The following GALNT13 variants were observed in gnomAD, a reference collection of about 807,000 sequenced individuals.
GALNT13 encodes the protein polypeptide N-acetylgalactosaminyltransferase 13, also known as UDP-GalNAc:polypeptide N-acetylgalactosaminyltransferase 13.
Under a neutral mutation model 64.2 loss-of-function variants are expected in GALNT13, and 28 were observed. The ratio of observed to expected loss-of-function variants is 0.44; its 90% CI spans 0.32 to 0.60. The LOEUF (loss-of-function observed/expected upper bound fraction) is 0.60. Among genes scored for constraint, GALNT13 ranks in the 20% least tolerant of loss-of-function variants. The pLI is 0.05. For missense variants in GALNT13, 577 were observed against 669.8 expected (o/e 0.86, Z 1.53); for synonymous variants, 214 against 224.6 (o/e 0.95, Z 0.42).
chr2:154,012,002 G>A (rs1696671272), intron 3 of GALNT13, among the ~76,000 whole-genome samples: 1 of 152,096 alleles, frequency 6.6e-6, no homozygotes, highest in South Asian at 2.1e-4. Flanking sequence ...ATAGTTGGGT[G>A]TTTATTTTTT....
chr2:154,399,768 A>G (rs1291532589), intron 10 of GALNT13, among the ~76,000 whole-genome samples: 2 of 152,152 alleles, frequency 1.3e-5, no homozygotes, highest in East Asian at 1.9e-4. Flanking sequence ...TACAAAGTCA[A>G]ATAAGGAAAG....
At chr2:154,375,968 T>G (rs35728391) in intron 9 of GALNT13, among the ~76,000 whole-genome samples, 2,249 of 152,282 alleles carry the variant, frequency 0.015, 30 homozygotes, top group Non-Finnish European at 0.022. Context: ...ATACATTTTG[T>G]TGGAAGGACG....
chr2:153,606,722 G>A, the GALNT13 span, among the ~76,000 whole-genome samples: 1 of 152,044 alleles, frequency 6.6e-6, no homozygotes, highest in African/African-American at 2.4e-5. Context: ...AAGCCATATG[G>A]CCCAGAGTGA....
the GALNT13 span, among the ~76,000 whole-genome samples, chr2:153,544,677 G>A: frequency 1.3e-5 from 2 of 152,174 alleles, no homozygotes; most frequent in African/African-American, 4.8e-5. Flanking sequence ...ATTTAGAATT[G>A]ACTTGGAAAA....
the GALNT13 span, among the ~76,000 whole-genome samples, chr2:153,596,208 C>T: frequency 1.2e-4 from 18 of 152,282 alleles, no homozygotes; most frequent in South Asian, 4.1e-4. Flanking sequence ...TGTTCCAAAT[C>T]ACAGAGGTAG....
At chr2:154,365,421 A>T (rs1313964602) in intron 9 of GALNT13, among the ~76,000 whole-genome samples, 1 of 152,236 alleles carries the variant, frequency 6.6e-6, no homozygotes, top group African/African-American at 2.4e-5. Flanking sequence ...CAATATTTTA[A>T]AAAGAGAATG....
chr2:153,541,610 T>G, the GALNT13 span, among the ~76,000 whole-genome samples: 445 of 152,302 alleles, frequency 2.9e-3, 4 homozygotes, highest in African/African-American at 0.01. Flanking sequence ...ATAAATAAAT[T>G]ATCTGATCTA....
intron 9 of GALNT13, among the ~76,000 whole-genome samples, chr2:154,343,291 G>A (rs1471123903): frequency 1.3e-5 from 2 of 151,952 alleles, no homozygotes; most frequent in Non-Finnish European, 2.9e-5. Flanking sequence ...CTCAAGAGAT[G>A]GGAGCTATCT....
At chr2:153,929,247 G>T (rs1415134042) in intron 2 of GALNT13, among the ~76,000 whole-genome samples, 1 of 152,134 alleles carries the variant, frequency 6.6e-6, no homozygotes, top group Non-Finnish European at 1.5e-5. Context: ...GAGGTCGAGT[G>T]GGCCACAGCA....
intron 4 of GALNT13, among the ~76,000 whole-genome samples, chr2:154,234,963 A>C (rs1481632649): frequency 6.6e-6 from 1 of 152,154 alleles, no homozygotes; most frequent in African/African-American, 2.4e-5. Flanking sequence ...AAGGCCAGGG[A>C]AGGGGGCCGT....
intron 3 of GALNT13, among the ~76,000 whole-genome samples, chr2:154,068,807 G>A (rs1047801179): frequency 4.0e-4 from 61 of 151,956 alleles, no homozygotes; most frequent in African/African-American, 1.4e-3. Flanking sequence ...TCTAGTATTT[G>A]ATAACACAAC....
intron 8 of GALNT13, among the ~76,000 whole-genome samples, chr2:154,262,478 A>G (rs1001522619): frequency 6.6e-6 from 1 of 152,206 alleles, no homozygotes; most frequent in African/African-American, 2.4e-5. Flanking sequence ...AATATCAGGT[A>G]TATCTACCAG....
chr2:153,570,415 A>T, the GALNT13 span, among the ~76,000 whole-genome samples: 60 of 152,046 alleles, frequency 3.9e-4, 1 homozygote, highest in East Asian at 0.01. Context: ...GCAAATAATA[A>T]CTTTGTTTAT....
the GALNT13 span, among the ~76,000 whole-genome samples, chr2:153,122,706 T>C: frequency 5.9e-5 from 9 of 152,152 alleles, no homozygotes; most frequent in Non-Finnish European, 1.0e-4. Flanking sequence ...AACCAGCAGA[T>C]ACCTTATCCC....
At chr2:153,112,818 A>G in the GALNT13 span, among the ~76,000 whole-genome samples, 29 of 152,132 alleles carry the variant, frequency 1.9e-4, no homozygotes, top group African/African-American at 6.8e-4. Context: ...TTTTAAATAT[A>G]CTCTTCTTTG....
chr2:153,290,191 C>T, the GALNT13 span, among the ~76,000 whole-genome samples: 2 of 152,026 alleles, frequency 1.3e-5, no homozygotes, highest in African/African-American at 4.8e-5. Context: ...AAATTGTTAG[C>T]TATTTATTAT....
At chr2:153,153,806 G>A in the GALNT13 span, among the ~76,000 whole-genome samples, 15 of 151,868 alleles carry the variant, frequency 9.9e-5, no homozygotes, top group African/African-American at 3.1e-4. Context: ...CTGTAGCCCT[G>A]TAGTATAATT....
chr2:154,077,446 A>C (rs1208411389), intron 3 of GALNT13, among the ~76,000 whole-genome samples: 1 of 151,596 alleles, frequency 6.6e-6, no homozygotes, highest in African/African-American at 2.4e-5. Context: ...ATGCAAGATA[A>C]TAATAAAGAC....
the GALNT13 span, among the ~76,000 whole-genome samples, chr2:153,184,334 A>G: frequency 6.6e-6 from 1 of 152,180 alleles, no homozygotes; most frequent in Non-Finnish European, 1.5e-5. Context: ...ATCCAGAGAC[A>G]TTGCTAAATT....
Sources: allele counts gnomAD v4.1 joint callset (sites outside exome capture counted in the v4.1 genomes callset), GRCh38; gene constraint gnomAD v4.1.1; transcripts MANE v1.5; gene names NCBI Gene and HGNC (gene_info 2026-07-23, HGNC 2026-07-21).